NR3C2: variants seen among roughly 807,000 people sequenced by gnomAD.
NR3C2 encodes nuclear receptor subfamily 3 group C member 2.
Under a neutral mutation model 86.4 loss-of-function variants are expected in NR3C2, and 15 were observed. The observed-to-expected ratio is 0.17, with a 90% CI of 0.12 to 0.27. The LOEUF (loss-of-function observed/expected upper bound fraction) is 0.27. NR3C2 is among the 10% of genes least tolerant of loss of function. The pLI, the probability that NR3C2 is intolerant of heterozygous loss-of-function variation, is 1.00. For synonymous variants in NR3C2, 458 were observed against 450.5 expected (o/e 1.02, Z -0.21); for missense variants, 960 against 1,195.6 (o/e 0.80, Z 2.91).
chr4:148,200,985 AT>A (rs1736691181), intron 3 of NR3C2: 1 of 152,192 alleles, frequency 6.6e-6, no homozygotes, highest in Admixed American at 6.5e-5. Context: ...AAAGAGAAAC[AT>A]TTTGGCTGAA....
At chr4:148,086,398 T>A (rs1240477154) in intron 8 of NR3C2, among the ~76,000 whole-genome samples, 1 of 152,198 alleles carries the variant, frequency 6.6e-6, no homozygotes, top group African/African-American at 2.4e-5. Flanking sequence ...TCTCAATAGA[T>A]GCAGAAAAGG....
At chr4:148,165,198 A>T (rs1734825858) in intron 4 of NR3C2, among the ~76,000 whole-genome samples, 1 of 152,202 alleles carries the variant, frequency 6.6e-6, no homozygotes, top group Non-Finnish European at 1.5e-5. Context: ...GGGCTGTTTC[A>T]ATTATTCTGT....
chr4:148,428,258 G>C (rs1157488836), intron 2 of NR3C2, among the ~76,000 whole-genome samples: 2 of 152,304 alleles, frequency 1.3e-5, no homozygotes, highest in Non-Finnish European at 2.9e-5. Context: ...AAAAGCTGAT[G>C]TTAAGGTTGG....
chr4:148,233,235 C>T (rs1738556356), intron 3 of NR3C2, among the ~76,000 whole-genome samples: 1 of 152,174 alleles, frequency 6.6e-6, no homozygotes, highest in African/African-American at 2.4e-5. Flanking sequence ...ATCTTTCAGC[C>T]TATCTCAGCT....
intron 4 of NR3C2, among the ~76,000 whole-genome samples, chr4:148,191,377 A>G (rs1180182206): frequency 1.3e-5 from 2 of 152,190 alleles, no homozygotes; most frequent in African/African-American, 2.4e-5. Context: ...GTTTTCCTTT[A>G]TAGGTTACCT....
chr4:148,090,833 C>T (rs1731026861), intron 8 of NR3C2, among the ~76,000 whole-genome samples: 1 of 152,218 alleles, frequency 6.6e-6, no homozygotes, highest in South Asian at 2.1e-4. Flanking sequence ...CAGCTCATCC[C>T]CAGTCATGAG....
intron 3 of NR3C2, among the ~76,000 whole-genome samples, chr4:148,236,299 T>C (rs1443392118): frequency 6.6e-6 from 1 of 152,220 alleles, no homozygotes; most frequent in African/African-American, 2.4e-5. Context: ...TCTATAGGAA[T>C]TGTTCTGTGT....
At chr4:148,398,621 C>T (rs957800759) in intron 2 of NR3C2, among the ~76,000 whole-genome samples, 2 of 152,164 alleles carry the variant, frequency 1.3e-5, no homozygotes, top group Non-Finnish European at 2.9e-5. Context: ...CCCAAGACCA[C>T]ACAGCACAGA....
rs574419328 is a variant in NR3C2 at position 148,345,488 on chromosome 4, TA to T, written c.1758-85372del. Among the ~76,000 whole-genome samples, 191 of 152,148 alleles carry T rather than the reference TA, an allele frequency of 1.3e-3. 1 individual carries two copies. The highest frequency in any genetic ancestry group is 4.4e-3 in the African/African-American group (182 of 41,548). ...ACAAGTTAAAACAGAATACTTAGAATAATACAACCTCTATCTTATGGATTTA... is the reference window on the plus strand; with the variant it reads ...ACAAGTTAAAACAGAATACTTAGAATATACAACCTCTATCTTATGGATTTA... On this transcript the variant is annotated intron_variant, in intron 2 of 8. Coordinates refer to ENST00000358102, the MANE Select transcript of NR3C2 (RefSeq NM_000901.5).
intron 3 of NR3C2, among the ~76,000 whole-genome samples, chr4:148,247,748 G>C (rs1227664118): frequency 6.6e-6 from 1 of 151,872 alleles, no homozygotes; most frequent in East Asian, 1.9e-4. Context: ...CTCTGGACTT[G>C]AAGTGTTGCC....
intron 8 of NR3C2, among the ~76,000 whole-genome samples, chr4:148,108,023 AAAT>A (rs1731881830): frequency 6.6e-6 from 1 of 152,164 alleles, no homozygotes; most frequent in Non-Finnish European, 1.5e-5. Flanking sequence ...TAAAAAATAA[AAAT>A]AATAATAATT....
At position 148,439,870 on chromosome 4, in the gene NR3C2, CAA is replaced by C. The variant is rs368775087; in HGVS notation, c.-3+2288_-3+2289del. ...AATCTATACTGGAGATGATGGGTAC[CAA>C]AGACAGTCTTAAAGCCCTGGACAAG... On this transcript the variant is annotated intron_variant, in intron 1 of 8. Transcript: ENST00000358102. 8.3e-3 allele frequency among the ~76,000 whole-genome samples: 1,269 copies of C among 152,260 alleles called. 14 individuals are homozygous for C. Among genetic ancestry groups the C allele is most frequent in the African/African-American group, 0.029 (1,200 of 41,542 alleles).
chr4:148,306,496 A>G (rs1742633873), intron 2 of NR3C2, among the ~76,000 whole-genome samples: 1 of 152,236 alleles, frequency 6.6e-6, no homozygotes, highest in African/African-American at 2.4e-5. Flanking sequence ...AACTGGACAA[A>G]TTTATTTCCT....
At chr4:148,413,889 T>G (rs1307725840) in intron 2 of NR3C2, among the ~76,000 whole-genome samples, 2 of 152,126 alleles carry the variant, frequency 1.3e-5, no homozygotes, top group East Asian at 3.9e-4. Context: ...GCAGGCATTA[T>G]GCAAAGTTTA....
chr4:148,436,706 G>A lies in NR3C2; in HGVS notation c.155C>T (p.Ser52Phe). Residue 52 changes from serine (S) to phenylalanine (F), a missense_variant, in exon 2 of 9, where the codon TCC becomes TTC. Physicochemically the swap from Ser to Phe is radical, Grantham distance 155. This residue lies in a region of NR3C2 where 680 missense variants were observed against 719.0 expected (regional missense o/e 0.95). Coordinates refer to ENST00000358102, the MANE Select transcript of NR3C2 (RefSeq NM_000901.5). ...YMEIVNVSCV[S>F]GAIPNNSTQG... is the part of the protein sequence containing the mutation. ...AGTACTGTTGTTTGGAATAGCACCG[G>A]AAACACAGCTTACGTTGACAATCTC... The A allele has an allele frequency of 6.2e-7, 1 of 1,614,096 alleles. No homozygotes were observed. Among genetic ancestry groups the A allele is most frequent in the Non-Finnish European group, 8.5e-7 (1 of 1,180,028 alleles).
At chr4:148,102,277 C>T (rs1482893032) in intron 8 of NR3C2, among the ~76,000 whole-genome samples, 1 of 152,218 alleles carries the variant, frequency 6.6e-6, no homozygotes, top group African/African-American at 2.4e-5. Flanking sequence ...CAGTTCCATC[C>T]ACTCCCAGCT....
chr4:148,287,458 C>T (rs1216797196), intron 2 of NR3C2, among the ~76,000 whole-genome samples: 1 of 152,022 alleles, frequency 6.6e-6, no homozygotes, highest in Non-Finnish European at 1.5e-5. Context: ...AAAATTAGCT[C>T]GATGTTTAAA....
At chr4:148,246,698 C>T (rs2149855198) in intron 3 of NR3C2, among the ~76,000 whole-genome samples, 1 of 152,202 alleles carries the variant, frequency 6.6e-6, no homozygotes, top group South Asian at 2.1e-4. Flanking sequence ...ATTACAGGTG[C>T]TCACCACCAC....
intron 2 of NR3C2, among the ~76,000 whole-genome samples, chr4:148,337,227 A>G (rs1744539001): frequency 6.6e-6 from 1 of 152,254 alleles, no homozygotes; most frequent in Admixed American, 6.5e-5. Flanking sequence ...ATCAAATGCC[A>G]ATACCTGCTG....
Sources: gnomAD v4.1 joint callset for allele counts (sites outside exome capture counted in the v4.1 genomes callset) on GRCh38, gnomAD v4.1.1 for gene constraint, gnomAD v4.1.1 regional missense constraint, MANE v1.5 for transcripts, NCBI Gene and HGNC (gene_info 2026-07-23, HGNC 2026-07-21) for gene names.